The following MGAM2 variants were observed in gnomAD, a reference collection of about 807,000 sequenced individuals.
The protein encoded by MGAM2 is probable maltase-glucoamylase 2.
Under a neutral mutation model 96.1 loss-of-function variants are expected in MGAM2, and 98 were observed. That is an observed-to-expected ratio of 1.02 (90% CI 0.87 to 1.21). MGAM2 has a LOEUF of 1.21. Ranked by LOEUF, MGAM2 falls within the 50% of genes most tolerant of loss-of-function variation. MGAM2 has a pLI of 0.00. For missense variants in MGAM2, 2,055 were observed against 1,182.4 expected (o/e 1.74, Z -10.82); for synonymous variants, 749 against 414.8 (o/e 1.81, Z -9.79).
chr7:142,145,049 G>A, intron 14 of MGAM2, 104 bp downstream of exon 14: 1 of 637,506 alleles, frequency 1.6e-6, no homozygotes, highest in Non-Finnish European at 2.8e-6. Context: ...TAGTCCAAGG[G>A]GTCTCCTAAA....
At chr7:142,200,763 A>T (rs1304783114) in intron 45 of MGAM2, among the ~76,000 whole-genome samples, 5 of 152,172 alleles carry the variant, frequency 3.3e-5, no homozygotes, top group Admixed American at 1.3e-4. Context: ...CTCATTAAAG[A>T]AGTAGATATT....
At chr7:142,204,745 T>C (rs1354729066) in intron 45 of MGAM2, among the ~76,000 whole-genome samples, 1 of 152,062 alleles carries the variant, frequency 6.6e-6, no homozygotes, top group African/African-American at 2.4e-5. Context: ...CTACTTTACA[T>C]AAAATTAGCA....
intron 43 of MGAM2, 52 bp downstream of exon 43, chr7:142,198,247 AG>A (rs1322450906): frequency 1.2e-5 from 8 of 685,482 alleles, no homozygotes; most frequent in Non-Finnish European, 2.1e-5. Context: ...CAGGGTGGAG[AG>A]GTGGATAGAG....
intron 37 of MGAM2, 37 bp from the exon 38 acceptor site, chr7:142,196,117 G>A: frequency 3.5e-6 from 3 of 848,852 alleles, no homozygotes; most frequent in Non-Finnish European, 5.9e-6. Context: ...AAAGGAGTTT[G>A]TTTCTTCAAC....
Position 142,221,994 on chromosome 7 carries a change from G to A in MGAM2, c.7483G>A (p.Val2495Ile), listed in dbSNP as rs1797946181. The A allele has an allele frequency of 2.5e-6, 1 of 398,424 alleles. No homozygotes were observed. The highest frequency in any genetic ancestry group is 4.4e-6 in the Non-Finnish European group (1 of 225,948). 24.7% of individuals were successfully genotyped at this position (398,424 alleles called of 1,614,324 possible). ...ALNTTTPDST[V>I]HTSATAPTYI... ...AAATACTACCACTCCTGATAGTACAGTACATACCTCTGCTACTGCACCTAC... is the reference window on the plus strand; with the variant it reads ...AAATACTACCACTCCTGATAGTACAATACATACCTCTGCTACTGCACCTAC... Residue 2495 changes from valine to isoleucine, a missense_variant, in exon 48 of 48, where the codon GTA becomes ATA. Physicochemically the swap from Val to Ile is conservative, Grantham distance 29 (BLOSUM62 3). Transcript: ENST00000477922.
chr7:142,171,336 C>T lies in MGAM2; in HGVS notation c.3247C>T (p.Pro1083Ser). The change falls in exon 28 of 48, where the codon CCG (proline) becomes TCG (serine). Residue 1083 changes from proline (P) to serine (S), a missense_variant. Coordinates refer to ENST00000477922, the MANE Select transcript of MGAM2 (RefSeq NM_001293626.2). Reference protein sequence around the residue: ...DMFLSISTRLPSQYIYGFGET... With the variant: ...DMFLSISTRLSSQYIYGFGET... Reference sequence around the variant, plus strand: ...GTTTCTCTCCATTTCTACGCGTCTGCCGTCCCAGTACATCTATGGCTTTGG... The same window carrying T: ...GTTTCTCTCCATTTCTACGCGTCTGTCGTCCCAGTACATCTATGGCTTTGG... The T allele has an allele frequency of 1.4e-6, 1 of 703,042 alleles. No homozygotes were observed. Among genetic ancestry groups the T allele is most frequent in the Non-Finnish European group, 2.6e-6 (1 of 384,878 alleles). The allele number at this position is 703,042 out of a possible 1,614,324, so 43.6% of individuals were successfully genotyped here. A position where few individuals can be genotyped will look rare whatever the true frequency, so the allele number is the denominator to read the frequency against.
At chr7:142,125,616 T>C (rs1042848835) in intron 3 of MGAM2, among the ~76,000 whole-genome samples, 5 of 152,154 alleles carry the variant, frequency 3.3e-5, no homozygotes, top group Admixed American at 2.0e-4. Context: ...CAATTAGATT[T>C]ATGGAGAGTT....
intron 12 of MGAM2, among the ~76,000 whole-genome samples, chr7:142,142,028 C>T (rs1795245309): frequency 2.0e-5 from 3 of 152,172 alleles, no homozygotes; most frequent in Admixed American, 2.0e-4. Context: ...AGAGAGTTCA[C>T]GTGACTGCAG....
At position 142,131,628 on chromosome 7, in the gene MGAM2, G is replaced by T. The variant is rs1258346609; in HGVS notation, c.420+1G>T. On this transcript the variant is annotated splice_donor_variant, in intron 5 of 47. Coordinates refer to ENST00000477922, the MANE Select transcript of MGAM2 (RefSeq NM_001293626.2). LOFTEE classifies it high-confidence loss of function. The stretch of plus-strand genomic sequence containing the variant: ...GACATCCAATCGGTTTCATTTTAAG[G>T]TTGGTTTGGGAGTGACTGCTAAATA... 3 of 702,992 alleles carry T rather than the reference G, an allele frequency of 4.3e-6. No individual in the cohort carries two copies. The highest frequency in any genetic ancestry group is 5.2e-6 in the Non-Finnish European group (2 of 384,992). The allele number at this position is 702,992 out of a possible 1,614,324, so 43.5% of individuals were successfully genotyped here.
At chr7:142,153,633 G>T in intron 15 of MGAM2, among the ~76,000 whole-genome samples, 1 of 152,142 alleles carries the variant, frequency 6.6e-6, no homozygotes, top group East Asian at 1.9e-4. Context: ...GATTATGCAT[G>T]GCAGAAATTC....
chr7:142,169,151 C>T (rs1796116617), intron 26 of MGAM2, among the ~76,000 whole-genome samples: 1 of 152,174 alleles, frequency 6.6e-6, no homozygotes, highest in South Asian at 2.1e-4. Flanking sequence ...CTTCACCTGG[C>T]AAGGTGTGGT....
chr7:142,221,780 C>G lies in MGAM2; in HGVS notation c.7269C>G (p.Asn2423Lys). ...CCATGGATATTACTGATGCAGATAACTCCAGCAGTGTTACAGGTAACACGA... is the reference window on the plus strand; with the variant it reads ...CCATGGATATTACTGATGCAGATAAGTCCAGCAGTGTTACAGGTAACACGA... ...LGTMDITDAD[N>K]SSSVTGNTTH... The change falls in exon 48 of 48, where the codon AAC becomes AAG. Residue 2423 changes from asparagine (N) to lysine (K), a missense_variant. Coordinates refer to ENST00000477922, the MANE Select transcript of MGAM2 (RefSeq NM_001293626.2). The G allele has an allele frequency of 9.9e-6, 4 of 403,784 alleles. No homozygotes were observed. Among genetic ancestry groups the G allele is most frequent in the Non-Finnish European group, 1.7e-5 (4 of 228,834 alleles). The allele number at this position is 403,784 out of a possible 1,614,324, so 25.0% of individuals were successfully genotyped here. A position where few individuals can be genotyped will look rare whatever the true frequency, so the allele number is the denominator to read the frequency against.
At chr7:142,193,176 CT>C (rs933935624) in intron 37 of MGAM2, among the ~76,000 whole-genome samples, 3 of 152,258 alleles carry the variant, frequency 2.0e-5, no homozygotes, top group African/African-American at 4.8e-5. Flanking sequence ...ATGTTTCTCC[CT>C]TTACCAATCA....
chr7:142,177,781 C>T (rs1796420822), intron 32 of MGAM2, among the ~76,000 whole-genome samples: 1 of 152,162 alleles, frequency 6.6e-6, no homozygotes, highest in African/African-American at 2.4e-5. Context: ...AGATGGGCTC[C>T]TGGGTTGACT....
Position 142,218,513 on chromosome 7 carries a change from G to A in MGAM2, c.5340G>A (p.Lys1780=). ...DNRQFMETNF[K]SEPYNQILTI... ...GGCAATTTATGGAGACAAATTTCAAGAGTGAACCTTATAATCAGGTAGGTC... is the reference window on the plus strand; with the variant it reads ...GGCAATTTATGGAGACAAATTTCAAAAGTGAACCTTATAATCAGGTAGGTC... Residue 1780 remains lysine, a synonymous_variant, in exon 47 of 48, where the codon AAG becomes AAA. Transcript: ENST00000477922. 1.4e-6 allele frequency: 1 copy of A among 699,370 alleles called. No homozygotes were observed. Among genetic ancestry groups the A allele is most frequent in the Non-Finnish European group, 2.6e-6 (1 of 383,678 alleles). The allele number at this position is 699,370 out of a possible 1,614,324, so 43.3% of individuals were successfully genotyped here. A position where few individuals can be genotyped will look rare whatever the true frequency, so the allele number is the denominator to read the frequency against.
In MGAM2 at chr7:142,193,769, G is replaced by C. The variant is rs546892980; in HGVS notation, c.4347-2385G>C. Among the ~76,000 whole-genome samples, 25 of 152,120 alleles carry C rather than the reference G, an allele frequency of 1.6e-4. No homozygotes were observed. The East Asian group carries it at 3.9e-3, about 24-fold the overall frequency. On this transcript the variant is annotated intron_variant, in intron 37 of 47. Coordinates refer to ENST00000477922, the MANE Select transcript of MGAM2 (RefSeq NM_001293626.2). ...AAGCCTATGCTCCTTCCACACCTGG[G>C]TTCAGTCATCTTTTTTTTTCTTCAC...
intron 7 of MGAM2, among the ~76,000 whole-genome samples, chr7:142,135,278 A>C: frequency 6.6e-6 from 1 of 152,236 alleles, no homozygotes; most frequent in East Asian, 1.9e-4. Flanking sequence ...TAGCTAACGC[A>C]TGTAATAAAT....
intron 47 of MGAM2, among the ~76,000 whole-genome samples, chr7:142,219,532 T>C (rs2961054): frequency 0.76 from 115,552 of 152,126 alleles, 44,307 homozygotes; most frequent in African/African-American, 0.87. Context: ...AACATGAAAC[T>C]AACCTGCTGT....
intron 32 of MGAM2, among the ~76,000 whole-genome samples, chr7:142,177,865 T>C (rs551192032): frequency 6.6e-6 from 1 of 152,328 alleles, no homozygotes; most frequent in East Asian, 1.9e-4. Flanking sequence ...AATAATTTAT[T>C]TTCCTTAGGG....
Sources: gnomAD v4.1 joint callset for allele counts (sites outside exome capture counted in the v4.1 genomes callset) on GRCh38, gnomAD v4.1.1 for gene constraint, MANE v1.5 for transcripts, NCBI Gene and HGNC (gene_info 2026-07-23, HGNC 2026-07-21) for gene names.